The following TPSD1 variants were observed in gnomAD, a reference collection of about 807,000 sequenced individuals.
TPSD1 encodes tryptase delta.
TPSD1 carries 30 observed loss-of-function variants against 25.4 expected under a neutral mutation model. The observed-to-expected ratio is 1.18, with a 90% CI of 0.88 to 1.60. The LOEUF (loss-of-function observed/expected upper bound fraction) is 1.60, where lower values mean the gene tolerates loss of function less well. TPSD1 is among the 40% of genes most tolerant of loss of function. The pLI is 0.00. For synonymous variants in TPSD1, 176 were observed against 149.4 expected, an observed-to-expected ratio of 1.18 and a Z score of -1.30; for missense variants, 420 against 324.2, an observed-to-expected ratio of 1.30 and a Z score of -2.27.
In TPSD1 at chr16:1,256,896, A is replaced by G; in HGVS notation, c.354A>G (p.Pro118=). 1 of 1,611,670 alleles carries G rather than the reference A, an allele frequency of 6.2e-7. No homozygotes were observed. The part of the protein sequence containing the change: ...LLPVSRIIVH[P]QFYIIQTGAD... ...CGGTCAGCAGGATCATCGTGCACCC[A>G]CAGTTCTACATCATCCAGACCGGGG... Residue 118 remains proline (P), a synonymous_variant, in exon 3 of 5, where the codon CCA becomes CCG. Transcript: ENST00000211076.
At chr16:1,258,021 G>T in intron 3 of TPSD1, 38 bp from the exon 4 acceptor site, 1 of 1,548,554 alleles carries the variant, frequency 6.5e-7, no homozygotes, top group Non-Finnish European at 8.7e-7. Context: ...GCACCCAGCC[G>T]GCCCCAGACC....
In TPSD1 at chr16:1,256,834, C is replaced by T. The variant is rs752836065; in HGVS notation, c.292C>T (p.Arg98Trp). 1.1e-5 allele frequency: 18 copies of T among 1,612,958 alleles called. No individual in the cohort carries two copies. Among genetic ancestry groups the T allele is most frequent in the Middle Eastern group, 3.8e-4 (2 of 5,234 alleles). Reference protein sequence around the residue: ...KDLAALRVQLREQHLYYQDQL... With the variant: ...KDLAALRVQLWEQHLYYQDQL... ...TCTGGCCGCCCTCAGGGTGCAACTGCGGGAGCAGCACCTCTACTACCAGGA... is the reference window on the plus strand; with the variant it reads ...TCTGGCCGCCCTCAGGGTGCAACTGTGGGAGCAGCACCTCTACTACCAGGA... The change falls in exon 3 of 5, where the codon CGG becomes TGG. Residue 98 changes from arginine to tryptophan, a missense_variant. Arg to Trp is a moderately radical substitution (Grantham distance 101). Transcript: ENST00000211076.
At chr16:1,257,178 C>A in intron 3 of TPSD1, 116 bp downstream of exon 3, 6 of 1,382,964 alleles carry the variant, frequency 4.3e-6, no homozygotes, top group Non-Finnish European at 5.8e-6. Context: ...ACTGTGGAGG[C>A]CAGGATGGAT....
Position 1,257,544 on chromosome 16 carries a change from G to A in TPSD1, c.520+482G>A, listed in dbSNP as rs1596501060. ...TCCACGAGGCACATTTTCACTTCTA[G>A]AAGGTCTTGTCCCCATTTTATCCAC... On this transcript the variant is annotated intron_variant, in intron 3 of 4. Transcript: ENST00000211076. 1.3e-5 allele frequency: 3 copies of A among 236,952 alleles called. No homozygotes were observed. In the East Asian group the frequency reaches 3.0e-4, roughly 24 times the overall value. 14.7% of individuals were successfully genotyped at this position (236,952 alleles called of 1,614,324 possible).
rs114203903 is a variant in TPSD1 at position 1,257,765 on chromosome 16, G to A, written c.521-294G>A. ...CCTAGCCCAGACGAAAGTCAGCTGA[G>A]CCCAGGGGGAGACACGGGTCGGGCT... On this transcript the variant is annotated intron_variant, in intron 3 of 4. Coordinates refer to ENST00000211076, the MANE Select transcript of TPSD1 (RefSeq NM_012217.3). 6.5e-3 allele frequency among the ~76,000 whole-genome samples: 984 copies of A among 152,302 alleles called. 9 individuals carry two copies. The highest frequency in any genetic ancestry group is 0.023 in the African/African-American group (939 of 41,572).
rs762590630 is a variant in TPSD1, at chr16:1,256,280, G to A, written c.-1G>A. 44 of 1,613,370 alleles carry A rather than the reference G, an allele frequency of 2.7e-5. No homozygotes were observed. Among genetic ancestry groups the A allele is most frequent in the Admixed American group, 3.3e-5 (2 of 59,988 alleles). ...CCCTGTGAGGCCCGGCCAGGCCCACGATGCTCCTCCTTGCTCCCCAGATGC... is the reference window on the plus strand; with the variant it reads ...CCCTGTGAGGCCCGGCCAGGCCCACAATGCTCCTCCTTGCTCCCCAGATGC... On this transcript the variant is annotated 5_prime_UTR_variant, in exon 1 of 5. Transcript: ENST00000211076.
chr16:1,257,974 C>T, intron 3 of TPSD1, 85 bp from the exon 4 acceptor site: 1 of 1,426,868 alleles, frequency 7.0e-7, no homozygotes, highest in Non-Finnish European at 9.6e-7. Context: ...GGTGCCATCT[C>T]CCCTGCCCGT....
chr16:1,257,772 G>C (rs2031006535), intron 3 of TPSD1, among the ~76,000 whole-genome samples: 2 of 152,196 alleles, frequency 1.3e-5, no homozygotes, highest in Admixed American at 1.3e-4. Context: ...TGAGCCCAGG[G>C]GGAGACACGG....
rs763287682 is a variant in TPSD1 at position 1,256,357 on chromosome 16, C to T, written c.77C>T (p.Ala26Val). 1 of 1,612,780 alleles carries T rather than the reference C, an allele frequency of 6.2e-7. No homozygotes were observed. The highest frequency in any genetic ancestry group is 8.5e-7 in the Non-Finnish European group (1 of 1,179,622). ...LPVLASPAYVAPAPGQALQQT... is the reference protein window; with the variant it reads ...LPVLASPAYVVPAPGQALQQT... ...GTCCTGGCGAGCCCGGCCTACGTGG[C>T]CCCTGGTGAGTCCCAGCCGGGGTCC... The change falls in exon 1 of 5, where the codon GCC (alanine) becomes GTC (valine). Residue 26 changes from alanine (A) to valine (V), a missense_variant. Physicochemically the swap from Ala to Val is moderately conservative, Grantham distance 64. Coordinates refer to ENST00000211076, the MANE Select transcript of TPSD1 (RefSeq NM_012217.3).
In TPSD1 at chr16:1,257,001, G is replaced by A. The variant is rs145789356; in HGVS notation, c.459G>A (p.Ser153=). ...HIHTVTLPPA[S]ETFPPGMPCW... ...ACACGGTCACGCTGCCCCCTGCCTC[G>A]GAGACCTTCCCCCCGGGGATGCCGT... Residue 153 remains serine (S), a synonymous_variant, in exon 3 of 5, where the codon TCG becomes TCA. Coordinates refer to ENST00000211076, the MANE Select transcript of TPSD1 (RefSeq NM_012217.3). 2.7e-4 allele frequency: 443 copies of A among 1,613,332 alleles called. No individual in the cohort carries two copies. The African/African-American group carries it at 4.6e-3, about 17-fold the overall frequency.
At chr16:1,257,728 G>A (rs1246204982) in intron 3 of TPSD1, among the ~76,000 whole-genome samples, 3 of 152,168 alleles carry the variant, frequency 2.0e-5, no homozygotes, top group South Asian at 2.1e-4. Flanking sequence ...AGGGCCAACC[G>A]TGGACCATGG....
At position 1,258,150 on chromosome 16, in the gene TPSD1, T is replaced by C. The variant is rs748275425; in HGVS notation, c.612T>C (p.His204=). 6.2e-7 allele frequency: 1 copy of C among 1,612,410 alleles called. No homozygotes were observed. Among genetic ancestry groups the C allele is most frequent in the South Asian group, 1.1e-5 (1 of 90,882 alleles). Residue 204 remains histidine, a synonymous_variant, in exon 4 of 5, where the codon CAT becomes CAC. Transcript: ENST00000211076. ...LCNAEYHTGL[H]TGHSFQIVRD... is the part of the protein sequence containing the mutation. ...ACGCGGAATATCACACCGGCCTCCA[T>C]ACGGGCCACAGCTTTCAAATCGTCC...
chr16:1,258,922 C>T lies in TPSD1; in HGVS notation c.*546C>T, dbSNP rs2031045489. On this transcript the variant is annotated 3_prime_UTR_variant, in exon 5 of 5. Coordinates refer to ENST00000211076, the MANE Select transcript of TPSD1 (RefSeq NM_012217.3). ...AACCCTGAATCCGCCCCTCCCGGCCCCTCCGGCCCTCCCCTGCCCAGGCAG... is the reference window on the plus strand; with the variant it reads ...AACCCTGAATCCGCCCCTCCCGGCCTCTCCGGCCCTCCCCTGCCCAGGCAG... The T allele has an allele frequency of 7.8e-6, 1 of 128,188 alleles. No homozygotes were observed. Among genetic ancestry groups the T allele is most frequent in the East Asian group, 2.3e-4 (1 of 4,302 alleles). The allele number at this position is 128,188 out of a possible 1,614,324, so 7.9% of individuals were successfully genotyped here.
chr16:1,256,495 C>A, intron 1 of TPSD1, 21 bp from the exon 2 acceptor site: 1 of 1,607,310 alleles, frequency 6.2e-7, no homozygotes, highest in Non-Finnish European at 8.5e-7. Flanking sequence ...CTTCTTGGTC[C>A]TGACCTGGCA....
chr16:1,256,716 G>T (rs1457745474), intron 2 of TPSD1, 29 bp downstream of exon 2: 1 of 1,611,562 alleles, frequency 6.2e-7, no homozygotes, highest in South Asian at 1.1e-5. Context: ...GGAGGGGTGG[G>T]CAAGGGCTGG....
intron 3 of TPSD1, 170 bp downstream of exon 3, chr16:1,257,232 C>G (rs1442222032): frequency 4.2e-6 from 4 of 958,070 alleles, no homozygotes; most frequent in Non-Finnish European, 4.5e-6. Flanking sequence ...TGAGCAGAGA[C>G]GGTGAGTCCA....
rs1351253558 is a variant in TPSD1 at position 1,258,853 on chromosome 16, C to T, written c.*477C>T. On this transcript the variant is annotated 3_prime_UTR_variant, in exon 5 of 5. Coordinates refer to ENST00000211076, the MANE Select transcript of TPSD1 (RefSeq NM_012217.3). The stretch of plus-strand genomic sequence containing the variant: ...TTGAGCCCCTCCTCCATCCTGAGCC[C>T]CCTCCTCCATCCTGCCCCCTCCTCC... The T allele has an allele frequency of 2.9e-5, 2 of 69,392 alleles. No individual in the cohort carries two copies. The highest frequency in any genetic ancestry group is 5.8e-5 in the Non-Finnish European group (2 of 34,324). The allele number at this position is 69,392 out of a possible 1,614,324, so 4.3% of individuals were successfully genotyped here.
In TPSD1 at chr16:1,256,286, C is replaced by T. The variant is rs1365360332; in HGVS notation, c.6C>T (p.Leu2=). The T allele has an allele frequency of 5.0e-6, 8 of 1,613,608 alleles. No individual in the cohort carries two copies. Among genetic ancestry groups the T allele is most frequent in the South Asian group, 3.3e-5 (3 of 91,074 alleles). Residue 2 remains leucine, a synonymous_variant, in exon 1 of 5, where the codon CTC becomes CTT. Transcript: ENST00000211076. M[L]LLAPQMLSLL... is the part of the protein sequence containing the mutation. ...GAGGCCCGGCCAGGCCCACGATGCT[C>T]CTCCTTGCTCCCCAGATGCTGAGCC... is the stretch of plus-strand genomic sequence containing the variant.
rs756672853 is a variant in TPSD1, at chr16:1,258,131, A to C, written c.593A>C (p.Glu198Ala). 2 of 1,610,878 alleles carry C rather than the reference A, an allele frequency of 1.2e-6. No homozygotes were observed. The highest frequency in any genetic ancestry group is 2.2e-5 in the South Asian group (2 of 90,592). The change falls in exon 4 of 5, where the codon GAA becomes GCA. Residue 198 changes from glutamate to alanine, a missense_variant. Transcript: ENST00000211076. Reference protein sequence around the residue: ...PVVENHLCNAEYHTGLHTGHS... With the variant: ...PVVENHLCNAAYHTGLHTGHS... Reference sequence around the variant, plus strand: ...GTGGAAAACCACCTTTGCAACGCGGAATATCACACCGGCCTCCATACGGGC... The same window carrying C: ...GTGGAAAACCACCTTTGCAACGCGGCATATCACACCGGCCTCCATACGGGC...
Sources: gnomAD v4.1 joint callset for allele counts (sites outside exome capture counted in the v4.1 genomes callset) on GRCh38, gnomAD v4.1.1 for gene constraint, MANE v1.5 for transcripts, NCBI Gene and HGNC (gene_info 2026-07-23, HGNC 2026-07-21) for gene names.